The following SSBP3 variants were observed in gnomAD, a reference collection of about 807,000 sequenced individuals.
The protein encoded by SSBP3 is single-stranded DNA-binding protein 3.
A neutral mutation model predicts 69.6 loss-of-function variants in SSBP3; 5 were observed. The observed-to-expected ratio is 0.07, with a 90% CI of 0.04 to 0.15. The LOEUF is 0.15. Among genes scored for constraint, SSBP3 ranks in the 10% least tolerant of loss-of-function variants. The probability of loss-of-function intolerance (pLI) is 1.00; values close to 1 mark genes in which losing one functional copy is unlikely to be tolerated. For synonymous variants in SSBP3, 196 were observed against 193.4 expected (o/e 1.01, Z -0.11); for missense variants, 312 against 534.0 (o/e 0.58, Z 4.10).
At chr1:54,348,726 T>G (rs1466400551) in intron 4 of SSBP3, among the ~76,000 whole-genome samples, 1 of 152,194 alleles carries the variant, frequency 6.6e-6, no homozygotes, top group Non-Finnish European at 1.5e-5. Context: ...GCGGGGCAGA[T>G]GCATCCCACT....
chr1:54,322,682 C>T (rs1175763398), intron 4 of SSBP3, among the ~76,000 whole-genome samples: 1 of 151,796 alleles, frequency 6.6e-6, no homozygotes, highest in Non-Finnish European at 1.5e-5. Context: ...AAAGGGAATA[C>T]CCACTCTCTC....
chr1:54,320,520 G>A lies in SSBP3; in HGVS notation c.277-38993C>T, dbSNP rs895782025. Among the ~76,000 whole-genome samples, 7 of 152,042 alleles carry A rather than the reference G, an allele frequency of 4.6e-5. No individual in the cohort carries two copies. The South Asian group carries it at 6.2e-4, about 14-fold the overall frequency. On this transcript the variant is annotated intron_variant, in intron 4 of 17. Transcript: ENST00000610401. ...TTTTTAGTAGATACAGGTTTTCACC[G>A]TGTTAGCAAGGATGGTCTTGATCTC...
At chr1:54,346,006 A>G (rs1646684147) in intron 4 of SSBP3, among the ~76,000 whole-genome samples, 1 of 151,750 alleles carries the variant, frequency 6.6e-6, no homozygotes. Flanking sequence ...AAAACAAAAC[A>G]AAAACAATTA....
At chr1:54,300,858 C>G (rs1645788581) in intron 4 of SSBP3, among the ~76,000 whole-genome samples, 1 of 152,130 alleles carries the variant, frequency 6.6e-6, no homozygotes, top group Non-Finnish European at 1.5e-5. Flanking sequence ...AAGGGCAAAG[C>G]AAAAAGTTGT....
Position 54,258,646 on chromosome 1 carries a change from T to C in SSBP3, c.367-497A>G, listed in dbSNP as rs368796518. Among the ~76,000 whole-genome samples, 2 of 152,004 alleles carry C rather than the reference T, an allele frequency of 1.3e-5. No individual in the cohort carries two copies. Among genetic ancestry groups the C allele is most frequent in the African/African-American group, 4.8e-5 (2 of 41,364 alleles). On this transcript the variant is annotated intron_variant, in intron 5 of 17. Coordinates refer to ENST00000610401, the Ensembl canonical transcript of SSBP3. The surrounding 1 kb of genome is among the most constrained non-coding windows in gnomAD (Gnocchi z 4.5). ...CACGGCTATGGGTGACTCGAGGCAG[T>C]ACTGATCAAGTGTCAGGGAGAGGCC... is the stretch of plus-strand genomic sequence containing the variant.
intron 4 of SSBP3, among the ~76,000 whole-genome samples, chr1:54,290,933 A>C (rs1320010504): frequency 1.3e-5 from 2 of 152,280 alleles, no homozygotes; most frequent in East Asian, 3.9e-4. Flanking sequence ...AAACACACAC[A>C]CACGCACACA....
chr1:54,332,964 G>A (rs1646445335), intron 4 of SSBP3, among the ~76,000 whole-genome samples: 1 of 152,130 alleles, frequency 6.6e-6, no homozygotes, highest in Non-Finnish European at 1.5e-5. Flanking sequence ...CTCCTCCCAC[G>A]CAGCATTGTT....
chr1:54,307,281 T>C (rs1269736937), intron 4 of SSBP3, among the ~76,000 whole-genome samples: 3 of 152,074 alleles, frequency 2.0e-5, no homozygotes, highest in African/African-American at 7.2e-5. Flanking sequence ...ACACCCGCTC[T>C]ACTCTCTACT....
In SSBP3 at chr1:54,230,001, G is replaced by A. The variant is rs1211380646; in HGVS notation, c.928-1175C>T. On this transcript the variant is annotated intron_variant, in intron 14 of 17. Transcript: ENST00000610401. ...AAGAGAGCATCAACAAAATTGAGGG[G>A]TAAAATCTGGGCAGGCAGAGCCCAT... 2.6e-5 allele frequency among the ~76,000 whole-genome samples: 4 copies of A among 152,228 alleles called. No homozygotes were observed. In the East Asian group the frequency reaches 7.7e-4, roughly 29 times the overall value.
intron 4 of SSBP3, among the ~76,000 whole-genome samples, chr1:54,321,540 AG>A (rs1646214057): frequency 6.6e-6 from 1 of 152,260 alleles, no homozygotes; most frequent in Non-Finnish European, 1.5e-5. Flanking sequence ...ACAAACAAGT[AG>A]GGCAACTCTC....
chr1:54,228,234 C>T, intron 17 of SSBP3, 21 bp downstream of exon 17: 1 of 1,609,730 alleles, frequency 6.2e-7, no homozygotes, highest in Non-Finnish European at 8.5e-7. Flanking sequence ...ACGAGAGCAA[C>T]AGGCAGGGGG....
chr1:54,412,117 T>C (rs1302218541), intron 1 of SSBP3, among the ~76,000 whole-genome samples: 2 of 152,042 alleles, frequency 1.3e-5, no homozygotes, highest in African/African-American at 4.8e-5. Flanking sequence ...TCCCACCTCA[T>C]TTCCTCCAGG....
intron 4 of SSBP3, among the ~76,000 whole-genome samples, chr1:54,366,228 T>A (rs964230439): frequency 6.6e-6 from 1 of 152,200 alleles, no homozygotes; most frequent in Non-Finnish European, 1.5e-5. Flanking sequence ...TTCATCATTG[T>A]TGCCCACACG....
chr1:54,254,344 G>GA (rs1644882897), intron 7 of SSBP3, among the ~76,000 whole-genome samples: 2 of 152,196 alleles, frequency 1.3e-5, no homozygotes, highest in South Asian at 4.1e-4. Context: ...GACCTCTGCC[G>GA]AGATGTGTGT....
At chr1:54,396,204 AAAAAAAAAAAAAAAAC>A (rs1648863925) in intron 4 of SSBP3, among the ~76,000 whole-genome samples, 1 of 148,432 alleles carries the variant, frequency 6.7e-6, no homozygotes, top group African/African-American at 2.5e-5. Context: ...AAAAAAAAAA[AAAAAAAAAAAAAAAAC>A]AACCCCATTA....
At chr1:54,295,925 C>T (rs1048088462) in intron 4 of SSBP3, among the ~76,000 whole-genome samples, 3 of 152,216 alleles carry the variant, frequency 2.0e-5, no homozygotes, top group Admixed American at 2.0e-4. Flanking sequence ...CTTGACTCTT[C>T]CAGCATTTTT....
At chr1:54,252,820 C>A (rs909284764) in intron 7 of SSBP3, among the ~76,000 whole-genome samples, 1 of 152,224 alleles carries the variant, frequency 6.6e-6, no homozygotes, top group Non-Finnish European at 1.5e-5. Context: ...TAAATATGAG[C>A]TTTTGCCTTC....
intron 4 of SSBP3, among the ~76,000 whole-genome samples, chr1:54,396,335 C>T (rs189305536): frequency 7.9e-5 from 12 of 152,056 alleles, no homozygotes; most frequent in East Asian, 5.8e-4. Flanking sequence ...GCACTTGTGC[C>T]GTGGTCAGAA....
chr1:54,404,039 C>G (rs1249893741), intron 3 of SSBP3, among the ~76,000 whole-genome samples: 1 of 151,664 alleles, frequency 6.6e-6, no homozygotes, highest in Non-Finnish European at 1.5e-5. Flanking sequence ...CGGGGAGCTC[C>G]CAGAGGAAAG....
Sources: allele counts gnomAD v4.1 joint callset (sites outside exome capture counted in the v4.1 genomes callset), GRCh38; gene constraint gnomAD v4.1.1; non-coding constraint Gnocchi (gnomAD v3.1); transcripts MANE v1.5; gene names NCBI Gene and HGNC (gene_info 2026-07-23, HGNC 2026-07-21).